IL1RAPL1: variants seen among roughly 807,000 people sequenced by gnomAD.
The protein encoded by IL1RAPL1 is interleukin 1 receptor accessory protein like 1.
A neutral mutation model predicts 48.4 loss-of-function variants in IL1RAPL1; 3 were observed. That is an observed-to-expected ratio of 0.06 (90% confidence interval 0.03 to 0.16). IL1RAPL1 has a LOEUF of 0.16. Ranked by LOEUF, IL1RAPL1 falls within the 10% of genes least tolerant of loss-of-function variation. The pLI, the probability that IL1RAPL1 is intolerant of heterozygous loss-of-function variation, is 1.00. For synonymous variants in IL1RAPL1, 185 were observed against 187.7 expected, an observed-to-expected ratio of 0.99 and a Z score of 0.12; for missense variants, 349 against 530.6, an observed-to-expected ratio of 0.66 and a Z score of 3.36.
chrX:29,402,352 A>G (rs189796867), intron 5 of IL1RAPL1, among the ~76,000 whole-genome samples: 2 of 111,343 alleles, frequency 1.8e-5, no homozygotes, highest in East Asian at 2.8e-4. Context: ...TTGTTGAGGC[A>G]CGTACTCCAT....
At chrX:29,030,883 G>A (rs765879189) in intron 2 of IL1RAPL1, among the ~76,000 whole-genome samples, 1 of 111,917 alleles carries the variant, frequency 8.9e-6, no homozygotes, top group African/African-American at 3.2e-5. Context: ...CCTTCTGGGT[G>A]ATAAGACTGT....
intron 1 of IL1RAPL1, among the ~76,000 whole-genome samples, chrX:28,669,953 G>A (rs1383413735): frequency 9.1e-6 from 1 of 109,501 alleles, no homozygotes; most frequent in South Asian, 3.8e-4. Flanking sequence ...TCAGGCAAAT[G>A]TAGAGAATCT....
chrX:29,905,741 G>A (rs1932599318), intron 6 of IL1RAPL1, among the ~76,000 whole-genome samples: 1 of 111,202 alleles, frequency 9.0e-6, no homozygotes, highest in African/African-American at 3.3e-5. Flanking sequence ...TGAACAATAA[G>A]GCAAATATAT....
chrX:29,093,902 G>A (rs749919369), intron 2 of IL1RAPL1, among the ~76,000 whole-genome samples: 1 of 111,930 alleles, frequency 8.9e-6, no homozygotes, highest in East Asian at 2.8e-4. Context: ...AAGTGTAGGC[G>A]AGCCTAGCCC....
Position 29,502,608 on chromosome X carries a change from G to A in IL1RAPL1, c.703+103300G>A, listed in dbSNP as rs141908610. Among the ~76,000 whole-genome samples the A allele has an allele frequency of 4.4e-3, 484 of 110,787 alleles. 3 individuals carry two copies. The highest frequency in any genetic ancestry group is 7.3e-3 in the Admixed American group (76 of 10,452). ...GTTTTTGTTCTCATGTCCTTGTATC[G>A]TATTTATTGATTTGTATATGTTGAA... On this transcript the variant is annotated intron_variant, in intron 5 of 10. Transcript: ENST00000378993.
intron 2 of IL1RAPL1, among the ~76,000 whole-genome samples, chrX:29,178,686 A>G (rs1377135936): frequency 9.0e-6 from 1 of 111,722 alleles, no homozygotes; most frequent in Non-Finnish European, 1.9e-5. Flanking sequence ...TATGTCCTGA[A>G]TGGTATTGCC....
At chrX:29,537,182 C>G (rs780240091) in intron 5 of IL1RAPL1, among the ~76,000 whole-genome samples, 25 of 110,761 alleles carry the variant, frequency 2.3e-4, no homozygotes, top group Non-Finnish European at 4.5e-4. Context: ...TTTACCTGTG[C>G]GAGTACAGAA....
chrX:28,980,007 G>A (rs1925292268), intron 2 of IL1RAPL1, among the ~76,000 whole-genome samples: 1 of 112,015 alleles, frequency 8.9e-6, no homozygotes, highest in Admixed American at 9.4e-5. Context: ...GAGTATTGTA[G>A]GTATAGTGTA....
chrX:29,778,943 A>AT (rs1283915232), intron 6 of IL1RAPL1, among the ~76,000 whole-genome samples: 2 of 111,748 alleles, frequency 1.8e-5, no homozygotes, highest in Admixed American at 1.9e-4. Flanking sequence ...AAAGGTTCAC[A>AT]TGAATCACTT....
At chrX:29,159,278 TAATC>T (rs1471146186) in intron 2 of IL1RAPL1, among the ~76,000 whole-genome samples, 1 of 111,378 alleles carries the variant, frequency 9.0e-6, no homozygotes, top group East Asian at 2.8e-4. Flanking sequence ...GGAGTTGTCA[TAATC>T]AATTATGTAG....
At chrX:29,429,061 A>G (rs765712259) in intron 5 of IL1RAPL1, among the ~76,000 whole-genome samples, 3 of 112,255 alleles carry the variant, frequency 2.7e-5, no homozygotes, top group Non-Finnish European at 5.6e-5. Context: ...TAACCCTCAA[A>G]TTAAGTGACT....
chrX:29,854,728 A>G (rs1931445025), intron 6 of IL1RAPL1, among the ~76,000 whole-genome samples: 1 of 111,577 alleles, frequency 9.0e-6, no homozygotes, highest in Non-Finnish European at 1.9e-5. Context: ...TATGGTATAT[A>G]TAAGACATCA....
At chrX:29,563,896 A>G (rs961477017) in intron 5 of IL1RAPL1, among the ~76,000 whole-genome samples, 3 of 112,234 alleles carry the variant, frequency 2.7e-5, no homozygotes, top group Non-Finnish European at 3.8e-5. Flanking sequence ...AACACTTAAT[A>G]TTATAAATCA....
intron 2 of IL1RAPL1, among the ~76,000 whole-genome samples, chrX:29,221,476 C>T (rs1930972246): frequency 9.0e-6 from 1 of 110,868 alleles, no homozygotes; most frequent in Non-Finnish European, 1.9e-5. Flanking sequence ...TTTTTATATA[C>T]CCCGTGAAGG....
Position 29,173,737 on chromosome X carries a change from A to C in IL1RAPL1, c.83-109201A>C, listed in dbSNP as rs1929952706. Among the ~76,000 whole-genome samples, 4 of 112,117 alleles carry C rather than the reference A, an allele frequency of 3.6e-5. No homozygotes were observed. The South Asian group carries it at 1.5e-3, about 42-fold the overall frequency. ...AGAGGAAACCTAAAAGGTAAAATGT[A>C]GAAGACGCAGATAGGGAAAAGCAAA... On this transcript the variant is annotated intron_variant, in intron 2 of 10. Coordinates refer to ENST00000378993, the MANE Select transcript of IL1RAPL1 (RefSeq NM_014271.4).
At chrX:28,906,346 G>T (rs968608619) in intron 2 of IL1RAPL1, among the ~76,000 whole-genome samples, 1 of 112,263 alleles carries the variant, frequency 8.9e-6, no homozygotes, top group Non-Finnish European at 1.9e-5. Flanking sequence ...GGAATTTCAG[G>T]ATGAAGGAAC....
At chrX:29,765,874 T>C (rs1365112205) in intron 6 of IL1RAPL1, among the ~76,000 whole-genome samples, 1 of 110,253 alleles carries the variant, frequency 9.1e-6, no homozygotes, top group Non-Finnish European at 1.9e-5. Context: ...GCATATAGAG[T>C]AATGGACTCT....
chrX:29,129,202 C>G (rs1002672384), intron 2 of IL1RAPL1, among the ~76,000 whole-genome samples: 1 of 109,765 alleles, frequency 9.1e-6, no homozygotes, highest in African/African-American at 3.3e-5. Flanking sequence ...TGCCACCACG[C>G]CTGGCTAATT....
chrX:28,711,807 T>C (rs1339012067), intron 1 of IL1RAPL1, among the ~76,000 whole-genome samples: 1 of 108,549 alleles, frequency 9.2e-6, no homozygotes, highest in Non-Finnish European at 1.9e-5. Flanking sequence ...AATAAATGTA[T>C]AATGGTTCTG....
Sources: gnomAD v4.1 joint callset for allele counts (sites outside exome capture counted in the v4.1 genomes callset) on GRCh38, gnomAD v4.1.1 for gene constraint, MANE v1.5 for transcripts, NCBI Gene and HGNC (gene_info 2026-07-23, HGNC 2026-07-21) for gene names.